Variants in ZEB2 observed in about 807,000 individuals in gnomAD.
ZEB2 encodes the protein zinc finger E-box-binding homeobox 2.
Under a neutral mutation model 99.9 loss-of-function variants are expected in ZEB2, and 6 were observed. That is an observed-to-expected ratio of 0.06 (90% confidence interval 0.03 to 0.12). ZEB2 has a LOEUF of 0.12. Among genes scored for constraint, ZEB2 ranks in the 10% least tolerant of loss-of-function variants. The probability of loss-of-function intolerance (pLI) is 1.00; values close to 1 mark genes in which losing one functional copy is unlikely to be tolerated. For missense variants in ZEB2, 969 were observed against 1,502.8 expected (o/e 0.64, Z 5.87); for synonymous variants, 517 against 542.5 (o/e 0.95, Z 0.65).
At chr2:144,496,621 T>G (rs969615281) in intron 2 of ZEB2, 9 of 152,198 alleles carry the variant, frequency 5.9e-5, no homozygotes, top group African/African-American at 2.2e-4. Flanking sequence ...AGAAATTCCA[T>G]GATTACAGTA....
At chr2:144,514,690 A>G (rs1306503349) in intron 2 of ZEB2, among the ~76,000 whole-genome samples, 3 of 152,264 alleles carry the variant, frequency 2.0e-5, no homozygotes, top group Non-Finnish European at 2.9e-5. Context: ...AAACCCAGTG[A>G]AAAACACTTA....
rs1182038482 is a variant in ZEB2, at chr2:144,448,163, A to T, written c.74-18137T>A. Among the ~76,000 whole-genome samples, 5 of 152,184 alleles carry T rather than the reference A, an allele frequency of 3.3e-5. No individual in the cohort carries two copies. In the East Asian group the frequency reaches 9.6e-4, roughly 29 times the overall value. ...TCTTTCACATGCTAATTTTGTGACA[A>T]TCCTATTGTGACTTACAGTGGTAAG... On this transcript the variant is annotated intron_variant, in intron 2 of 9. Coordinates refer to ENST00000627532, the MANE Select transcript of ZEB2 (RefSeq NM_014795.4).
intron 5 of ZEB2, among the ~76,000 whole-genome samples, chr2:144,404,454 A>G (rs574922946): frequency 6.6e-6 from 1 of 152,066 alleles, no homozygotes; most frequent in East Asian, 1.9e-4. Flanking sequence ...CTGTAGCCAC[A>G]GATTACTCAG....
chr2:144,501,718 C>T (rs1704872163), intron 2 of ZEB2, among the ~76,000 whole-genome samples: 1 of 152,064 alleles, frequency 6.6e-6, no homozygotes, highest in South Asian at 2.1e-4. Flanking sequence ...AAACTGATGC[C>T]AAAATTCACT....
intron 2 of ZEB2, among the ~76,000 whole-genome samples, chr2:144,469,044 A>C (rs1434829373): frequency 6.6e-6 from 1 of 152,132 alleles, no homozygotes; most frequent in Non-Finnish European, 1.5e-5. Flanking sequence ...TTCTGACACT[A>C]ATCTGTAAGG....
At chr2:144,443,861 T>C (rs1299159563) in intron 2 of ZEB2, among the ~76,000 whole-genome samples, 3 of 143,018 alleles carry the variant, frequency 2.1e-5, no homozygotes, top group Admixed American at 1.4e-4. Flanking sequence ...AAAATGTATT[T>C]AAAAAAAAAA....
chr2:144,512,795 G>C (rs1705062834), intron 2 of ZEB2: 1 of 1,287,172 alleles, frequency 7.8e-7, no homozygotes. Context: ...CCCCAGCCTT[G>C]TGTGTGTGCA....
At chr2:144,410,819 T>A (rs1459813242) in intron 4 of ZEB2, among the ~76,000 whole-genome samples, 1 of 151,868 alleles carries the variant, frequency 6.6e-6, no homozygotes, top group African/African-American at 2.4e-5. Context: ...GAATAAATAA[T>A]TCTTTTTAAA....
intron 2 of ZEB2, among the ~76,000 whole-genome samples, chr2:144,433,170 T>C (rs1252122767): frequency 1.3e-5 from 2 of 152,194 alleles, no homozygotes; most frequent in African/African-American, 4.8e-5. Context: ...AAAGATGTAC[T>C]GTTTGCTGGC....
chr2:144,478,020 G>T (rs1275040053), intron 2 of ZEB2, among the ~76,000 whole-genome samples: 1 of 152,078 alleles, frequency 6.6e-6, no homozygotes, highest in Non-Finnish European at 1.5e-5. Context: ...TGAAGGAGAC[G>T]CTCGGGTTTC....
At chr2:144,409,686 A>T (rs1165304282) in intron 4 of ZEB2, among the ~76,000 whole-genome samples, 1 of 152,136 alleles carries the variant, frequency 6.6e-6, no homozygotes, top group African/African-American at 2.4e-5. Flanking sequence ...CTCTATCCAA[A>T]AAAAGAATAT....
chr2:144,420,566 G>A (rs1045831229), intron 4 of ZEB2, among the ~76,000 whole-genome samples: 1 of 152,180 alleles, frequency 6.6e-6, no homozygotes, highest in African/African-American at 2.4e-5. Flanking sequence ...AAGGAGGAAC[G>A]ATGAAACATG....
At chr2:144,517,636 G>C (rs751919941) in intron 1 of ZEB2, 10 of 700,842 alleles carry the variant, frequency 1.4e-5, no homozygotes, top group Non-Finnish European at 2.1e-5. Context: ...CACCCGCGAG[G>C]GGATCAGAGA....
chr2:144,474,471 G>A (rs1704404251), intron 2 of ZEB2, among the ~76,000 whole-genome samples: 1 of 152,182 alleles, frequency 6.6e-6, no homozygotes, highest in African/African-American at 2.4e-5. Context: ...GCCTAAATAT[G>A]TTGTTATTGT....
chr2:144,462,196 C>G (rs943087016), intron 2 of ZEB2: 1 of 151,968 alleles, frequency 6.6e-6, no homozygotes, highest in South Asian at 2.1e-4. Flanking sequence ...AAAAAAGAAG[C>G]CTCGTTTTAA....
chr2:144,440,084 C>G (rs1036142627), intron 2 of ZEB2, among the ~76,000 whole-genome samples: 1 of 152,036 alleles, frequency 6.6e-6, no homozygotes, highest in African/African-American at 2.4e-5. Flanking sequence ...TGTAAAAGAA[C>G]TTGTGTGGAG....
At chr2:144,480,577 CTG>C (rs1704495603) in intron 2 of ZEB2, among the ~76,000 whole-genome samples, 1 of 152,142 alleles carries the variant, frequency 6.6e-6, no homozygotes, top group East Asian at 1.9e-4. Flanking sequence ...TGGCCCTACT[CTG>C]TTTGCAATTC....
chr2:144,413,894 A>G (rs1213817853), intron 4 of ZEB2, among the ~76,000 whole-genome samples: 1 of 152,250 alleles, frequency 6.6e-6, no homozygotes, highest in Non-Finnish European at 1.5e-5. Flanking sequence ...TAAGAGGAAC[A>G]GGAGAAATTG....
At chr2:144,431,266 A>G (rs1020430457) in intron 2 of ZEB2, among the ~76,000 whole-genome samples, 2 of 152,228 alleles carry the variant, frequency 1.3e-5, no homozygotes, top group African/African-American at 4.8e-5. Flanking sequence ...AAAAATGAAA[A>G]GGATTGTGTG....
Sources: allele counts gnomAD v4.1 joint callset (sites outside exome capture counted in the v4.1 genomes callset), GRCh38; gene constraint gnomAD v4.1.1; transcripts MANE v1.5; gene names NCBI Gene and HGNC (gene_info 2026-07-23, HGNC 2026-07-21).